Variants in ARHGAP15 observed in about 807,000 individuals in gnomAD.
ARHGAP15 encodes the protein Rho GTPase activating protein 15.
In ARHGAP15, 51 loss-of-function variants were observed where a neutral mutation model predicts 63.7. The observed-to-expected ratio is 0.80, with a 90% CI of 0.64 to 1.01. The LOEUF (loss-of-function observed/expected upper bound fraction) is 1.01. Among genes scored for constraint, ARHGAP15 ranks in the 50% least tolerant of loss-of-function variants. The pLI is 0.00. For missense variants in ARHGAP15, 560 were observed against 564.6 expected (o/e 0.99, Z 0.08); for synonymous variants, 191 against 193.8 (o/e 0.99, Z 0.12).
At chr2:143,480,471 G>T (rs1483230814) in intron 8 of ARHGAP15, among the ~76,000 whole-genome samples, 1 of 152,146 alleles carries the variant, frequency 6.6e-6, no homozygotes, top group African/African-American at 2.4e-5. Flanking sequence ...GAATCTAATT[G>T]TCTATTTTGT....
rs763664230 is a variant in ARHGAP15, at chr2:143,442,851, A to C, written c.703+5809A>C. 2.0e-5 allele frequency among the ~76,000 whole-genome samples: 3 copies of C among 152,298 alleles called. No homozygotes were observed. The Middle Eastern group carries it at 0.01, about 518-fold the overall frequency. ...GGTATGTCCATGTGCCTAATTCAAT[A>C]AAAGAATATACATATTTTCTGATTA... On this transcript the variant is annotated intron_variant, in intron 8 of 13. Transcript: ENST00000295095.
intron 9 of ARHGAP15, among the ~76,000 whole-genome samples, chr2:143,487,773 C>T (rs1026527003): frequency 2.0e-5 from 3 of 152,150 alleles, no homozygotes; most frequent in African/African-American, 2.4e-5. Context: ...TCCTAGTGTC[C>T]TGCTAGAATG....
intron 1 of ARHGAP15, among the ~76,000 whole-genome samples, chr2:143,153,843 T>TTCTTCCTCTTCCTCCTCCTCCTCC (rs1689957969): frequency 6.9e-5 from 6 of 86,892 alleles, no homozygotes; most frequent in Non-Finnish European, 8.7e-5. Flanking sequence ...CTTCTTCTTC[T>TTCTTCCTCTTCCTCCTCCTCCTCC]TCCTCCTCCT....
intron 13 of ARHGAP15, among the ~76,000 whole-genome samples, chr2:143,704,955 CA>C (rs1178176180): frequency 6.6e-6 from 1 of 152,180 alleles, no homozygotes; most frequent in African/African-American, 2.4e-5. Context: ...AAGTAACTAA[CA>C]TTTTTGTATG....
At chr2:143,734,932 C>G (rs1470347620) in intron 13 of ARHGAP15, among the ~76,000 whole-genome samples, 1 of 152,094 alleles carries the variant, frequency 6.6e-6, no homozygotes, top group East Asian at 1.9e-4. Flanking sequence ...TCTGAAGACT[C>G]CTAAGAAATA....
Position 143,435,642 on chromosome 2 carries a change from T to C in ARHGAP15, c.516T>C (p.Asp172=), listed in dbSNP as rs780820831. 1.4e-5 allele frequency: 23 copies of C among 1,604,438 alleles called. 1 individual carries two copies. The South Asian group carries it at 2.3e-4, about 16-fold the overall frequency. The change falls in exon 7 of 14, where the codon GAT becomes GAC. Residue 172 remains aspartate, a synonymous_variant. Transcript: ENST00000295095. ...GAAATGAGTTCCTTCTACAGTCAGATATTGACTTCATCATATTGGATTGGT... is the reference window on the plus strand; with the variant it reads ...GAAATGAGTTCCTTCTACAGTCAGACATTGACTTCATCATATTGGATTGGT... The part of the protein sequence containing the change: ...VSGNEFLLQS[D]IDFIILDWFH...
chr2:143,434,624 T>A (rs1689529011), intron 6 of ARHGAP15, among the ~76,000 whole-genome samples: 1 of 152,132 alleles, frequency 6.6e-6, no homozygotes. Flanking sequence ...GATTGAGTAT[T>A]TTGAAATGTC....
chr2:143,369,112 GTAAA>G, intron 6 of ARHGAP15, among the ~76,000 whole-genome samples: 1 of 152,106 alleles, frequency 6.6e-6, no homozygotes, highest in East Asian at 1.9e-4. Flanking sequence ...CCTGATGGTA[GTAAA>G]TTCTAAAAAT....
At chr2:143,224,577 T>C (rs902296729) in intron 4 of ARHGAP15, among the ~76,000 whole-genome samples, 1 of 152,182 alleles carries the variant, frequency 6.6e-6, no homozygotes, top group African/African-American at 2.4e-5. Flanking sequence ...CCTCAGAAAC[T>C]GCTGGACACA....
At chr2:143,346,310 A>G (rs1356994608) in intron 6 of ARHGAP15, among the ~76,000 whole-genome samples, 1 of 151,070 alleles carries the variant, frequency 6.6e-6, no homozygotes, top group Non-Finnish European at 1.5e-5. Flanking sequence ...TACATTGAAC[A>G]CTCGGAAGCT....
chr2:143,282,929 C>CA (rs1457415205), intron 6 of ARHGAP15, among the ~76,000 whole-genome samples: 1 of 152,142 alleles, frequency 6.6e-6, no homozygotes, highest in East Asian at 1.9e-4. Flanking sequence ...CCCTTCAATA[C>CA]AATCAGTGAA....
At chr2:143,713,458 A>G (rs1450283031) in intron 13 of ARHGAP15, among the ~76,000 whole-genome samples, 1 of 152,170 alleles carries the variant, frequency 6.6e-6, no homozygotes, top group Non-Finnish European at 1.5e-5. Flanking sequence ...AGCCAAACAT[A>G]TCATTCCATC....
At chr2:143,726,428 A>G (rs978668311) in intron 13 of ARHGAP15, among the ~76,000 whole-genome samples, 4 of 152,266 alleles carry the variant, frequency 2.6e-5, no homozygotes, top group Admixed American at 2.0e-4. Flanking sequence ...AACAACCAAA[A>G]AAAAAAGAAA....
chr2:143,608,959 T>C (rs1698152623), intron 11 of ARHGAP15, among the ~76,000 whole-genome samples: 1 of 152,240 alleles, frequency 6.6e-6, no homozygotes, highest in South Asian at 2.1e-4. Flanking sequence ...AGATGCTATC[T>C]TTCTTGTCAA....
chr2:143,163,148 C>A (rs547548981), intron 2 of ARHGAP15, among the ~76,000 whole-genome samples: 3 of 152,050 alleles, frequency 2.0e-5, no homozygotes, highest in Non-Finnish European at 4.4e-5. Flanking sequence ...TGATAAATGG[C>A]ACTTTAAAAT....
chr2:143,395,513 A>G (rs141846513), intron 6 of ARHGAP15, among the ~76,000 whole-genome samples: 1 of 152,304 alleles, frequency 6.6e-6, no homozygotes, highest in African/African-American at 2.4e-5. Flanking sequence ...ACACACACAT[A>G]GTTACCTATA....
chr2:143,218,346 A>C (rs919474300), intron 4 of ARHGAP15, among the ~76,000 whole-genome samples: 2 of 107,770 alleles, frequency 1.9e-5, no homozygotes, highest in Non-Finnish European at 3.5e-5. Flanking sequence ...TGAGCTGATT[A>C]TATCCTTCGG....
chr2:143,571,097 C>T (rs1032140844), intron 11 of ARHGAP15, among the ~76,000 whole-genome samples: 1 of 152,198 alleles, frequency 6.6e-6, no homozygotes, highest in African/African-American at 2.4e-5. Flanking sequence ...ATCTAGGTTG[C>T]ATGCTCCTTA....
chr2:143,571,743 CTCT>C (rs1392042014), intron 11 of ARHGAP15: 2 of 152,188 alleles, frequency 1.3e-5, no homozygotes, highest in Non-Finnish European at 2.9e-5. Context: ...ACCCCACTCC[CTCT>C]TCTTGTTAGT....
Sources: gnomAD v4.1 joint callset for allele counts (sites outside exome capture counted in the v4.1 genomes callset) on GRCh38, gnomAD v4.1.1 for gene constraint, MANE v1.5 for transcripts, NCBI Gene and HGNC (gene_info 2026-07-23, HGNC 2026-07-21) for gene names.